Variants in CNTNAP2 observed in about 807,000 individuals in gnomAD.
The protein encoded by CNTNAP2 is contactin-associated protein-like 2.
Under a neutral mutation model 155.2 loss-of-function variants are expected in CNTNAP2, and 98 were observed. That is an observed-to-expected ratio of 0.63 (90% CI 0.54 to 0.75). The LOEUF (loss-of-function observed/expected upper bound fraction) is 0.75, where lower values mean the gene tolerates loss of function less well. Among genes scored for constraint, CNTNAP2 ranks in the 30% least tolerant of loss-of-function variants. CNTNAP2 has a pLI of 0.00. For synonymous variants in CNTNAP2, 651 were observed against 631.2 expected (o/e 1.03, Z -0.47); for missense variants, 1,727 against 1,688.1 (o/e 1.02, Z -0.40).
At chr7:147,105,363 A>G (rs1260414195) in intron 4 of CNTNAP2, among the ~76,000 whole-genome samples, 3 of 151,946 alleles carry the variant, frequency 2.0e-5, no homozygotes, top group African/African-American at 4.8e-5. Flanking sequence ...ACTAGCCATT[A>G]TTGTTCAGAT....
chr7:147,958,558 T>C (rs1801063995), intron 14 of CNTNAP2, among the ~76,000 whole-genome samples: 2 of 152,206 alleles, frequency 1.3e-5, no homozygotes, highest in Non-Finnish European at 2.9e-5. Flanking sequence ...TTATGGTAGA[T>C]ATTTTCTTCT....
intron 1 of CNTNAP2, among the ~76,000 whole-genome samples, chr7:146,764,723 A>G (rs965712710): frequency 2.6e-5 from 4 of 152,280 alleles, no homozygotes; most frequent in Admixed American, 2.6e-4. Flanking sequence ...TATTTGATTT[A>G]CAACCAAGAT....
At chr7:146,299,183 A>C (rs1800563369) in intron 1 of CNTNAP2, among the ~76,000 whole-genome samples, 1 of 152,098 alleles carries the variant, frequency 6.6e-6, no homozygotes, top group African/African-American at 2.4e-5. Flanking sequence ...AGCCAGGAGA[A>C]TTGCTTGAAC....
intron 2 of CNTNAP2, among the ~76,000 whole-genome samples, chr7:146,827,803 A>G (rs1803435133): frequency 6.6e-6 from 1 of 152,112 alleles, no homozygotes; most frequent in Non-Finnish European, 1.5e-5. Context: ...GTGAACAAAG[A>G]GATTCTAGGG....
chr7:147,292,672 AT>A (rs935931041), intron 8 of CNTNAP2, among the ~76,000 whole-genome samples: 29 of 152,114 alleles, frequency 1.9e-4, no homozygotes, highest in Non-Finnish European at 4.4e-5. Flanking sequence ...CACTACCTAG[AT>A]CCTTTTTTCT....
rs190292204 is a variant in CNTNAP2 at position 146,622,446 on chromosome 7, T to C, written c.98-151825T>C. 2.0e-3 allele frequency among the ~76,000 whole-genome samples: 297 copies of C among 152,132 alleles called. 1 individual carries two copies. Among genetic ancestry groups the C allele is most frequent in the African/African-American group, 6.7e-3 (279 of 41,516 alleles). ...TGGAATATAATTGTGCAAGGGGATA[T>C]ATGTGTTTCTACTAAGCCATGTATA... is the stretch of plus-strand genomic sequence containing the variant. On this transcript the variant is annotated intron_variant, in intron 1 of 23. Coordinates refer to ENST00000361727, the MANE Select transcript of CNTNAP2 (RefSeq NM_014141.6).
chr7:146,588,636 TA>T (rs1395028619), intron 1 of CNTNAP2, among the ~76,000 whole-genome samples: 3 of 152,074 alleles, frequency 2.0e-5, no homozygotes, highest in Non-Finnish European at 4.4e-5. Context: ...GCCTCCTGAG[TA>T]GCTGGGACTA....
chr7:148,022,948 AC>A (rs1209851406), intron 15 of CNTNAP2, among the ~76,000 whole-genome samples: 3 of 152,182 alleles, frequency 2.0e-5, no homozygotes, highest in African/African-American at 7.2e-5. Context: ...CACTGCCTGT[AC>A]AGCACCGTTA....
At chr7:147,703,665 A>G (rs765236761) in intron 13 of CNTNAP2, among the ~76,000 whole-genome samples, 6 of 152,176 alleles carry the variant, frequency 3.9e-5, no homozygotes, top group Non-Finnish European at 1.5e-5. Flanking sequence ...CAGAGTATTT[A>G]GGGTGTCTGT....
At chr7:147,754,874 T>C (rs868553226) in intron 13 of CNTNAP2, among the ~76,000 whole-genome samples, 1 of 152,338 alleles carries the variant, frequency 6.6e-6, no homozygotes, top group African/African-American at 2.4e-5. Context: ...ATGTGGACTA[T>C]ATTTTCAACT....
chr7:147,670,488 C>T (rs77574224), intron 13 of CNTNAP2, among the ~76,000 whole-genome samples: 6,143 of 152,248 alleles, frequency 0.04, 139 homozygotes, highest in Middle Eastern at 0.13. Flanking sequence ...GTGGCCCTGC[C>T]CCATCCTGTG....
At chr7:147,184,381 CA>C (rs1802523586) in intron 8 of CNTNAP2, among the ~76,000 whole-genome samples, 1 of 152,056 alleles carries the variant, frequency 6.6e-6, no homozygotes, top group African/African-American at 2.4e-5. Flanking sequence ...TTATCTGAGG[CA>C]GACAGAAAAA....
chr7:146,745,842 G>A (rs1363786883), intron 1 of CNTNAP2, among the ~76,000 whole-genome samples: 1 of 151,570 alleles, frequency 6.6e-6, no homozygotes, highest in Non-Finnish European at 1.5e-5. Flanking sequence ...CAAAAGAAGA[G>A]AAACTATGGC....
chr7:147,244,432 T>C (rs1280609590), intron 8 of CNTNAP2, among the ~76,000 whole-genome samples: 1 of 152,244 alleles, frequency 6.6e-6, no homozygotes, highest in Non-Finnish European at 1.5e-5. Context: ...AAAATAGATA[T>C]ATAATTCTCA....
intron 1 of CNTNAP2, among the ~76,000 whole-genome samples, chr7:146,229,130 C>T (rs1435919877): frequency 6.6e-6 from 1 of 152,012 alleles, no homozygotes; most frequent in Admixed American, 6.6e-5. Context: ...CAAATTGGAA[C>T]CTTGGATATG....
intron 14 of CNTNAP2, among the ~76,000 whole-genome samples, chr7:147,951,490 G>A (rs982835184): frequency 1.3e-5 from 2 of 152,226 alleles, no homozygotes; most frequent in Non-Finnish European, 1.5e-5. Flanking sequence ...AAGAAAGGGT[G>A]ATGCTGGACA....
At chr7:148,287,354 G>C (rs1208911420) in intron 21 of CNTNAP2, among the ~76,000 whole-genome samples, 1 of 152,050 alleles carries the variant, frequency 6.6e-6, no homozygotes, top group Non-Finnish European at 1.5e-5. Context: ...AGAAAAAAAG[G>C]CAAAAGTCAA....
At chr7:146,801,666 C>T (rs114146364) in intron 2 of CNTNAP2, among the ~76,000 whole-genome samples, 4 of 152,132 alleles carry the variant, frequency 2.6e-5, no homozygotes, top group African/African-American at 7.2e-5. Context: ...AGGCATGACA[C>T]TCATTTTATT....
At chr7:148,027,699 A>G (rs1392548465) in intron 15 of CNTNAP2, among the ~76,000 whole-genome samples, 1 of 152,192 alleles carries the variant, frequency 6.6e-6, no homozygotes, top group African/African-American at 2.4e-5. Context: ...CGCTGATATA[A>G]TCCTATGATT....
Sources: allele counts gnomAD v4.1 joint callset (sites outside exome capture counted in the v4.1 genomes callset), GRCh38; gene constraint gnomAD v4.1.1; transcripts MANE v1.5; gene names NCBI Gene and HGNC (gene_info 2026-07-23, HGNC 2026-07-21).